Variants in LNPK observed in about 807,000 individuals in gnomAD.
LNPK encodes the protein endoplasmic reticulum junction formation protein lunapark.
A neutral mutation model predicts 55.2 loss-of-function variants in LNPK; 29 were observed. The observed-to-expected ratio is 0.53, with a 90% CI of 0.39 to 0.72. The LOEUF (loss-of-function observed/expected upper bound fraction) is 0.72, where lower values mean the gene tolerates loss of function less well. Among genes scored for constraint, LNPK ranks in the 30% least tolerant of loss-of-function variants. The pLI, the probability that LNPK is intolerant of heterozygous loss-of-function variation, is 0.00. For missense variants in LNPK, 467 were observed against 494.8 expected, an observed-to-expected ratio of 0.94 and a Z score of 0.53; for synonymous variants, 162 against 168.2, an observed-to-expected ratio of 0.96 and a Z score of 0.29.
intron 2 of LNPK, among the ~76,000 whole-genome samples, chr2:175,994,485 C>T (rs1687842563): frequency 6.6e-6 from 1 of 152,082 alleles, no homozygotes; most frequent in Non-Finnish European, 1.5e-5. Context: ...CCTAGACTAC[C>T]TTATCTCCTC....
chr2:175,939,287 G>A (rs1187026751), intron 10 of LNPK, among the ~76,000 whole-genome samples: 2 of 152,098 alleles, frequency 1.3e-5, no homozygotes, highest in African/African-American at 4.8e-5. Flanking sequence ...TGCTTTTTAA[G>A]TTTAAAAGTT....
At chr2:175,972,467 G>A (rs1237063784) in intron 5 of LNPK, among the ~76,000 whole-genome samples, 3 of 152,036 alleles carry the variant, frequency 2.0e-5, no homozygotes, top group Non-Finnish European at 2.9e-5. Context: ...GATTTAGGGG[G>A]ATTTCAGATT....
At position 175,991,635 on chromosome 2, in the gene LNPK, G is replaced by C. The variant is rs113416181; in HGVS notation, c.257+596C>G. Reference sequence around the variant, plus strand: ...CTAAGATATACAGTCAGAGAATTTTGTATTTTTATGTACCATACACCATTA... The same window carrying C: ...CTAAGATATACAGTCAGAGAATTTTCTATTTTTATGTACCATACACCATTA... On this transcript the variant is annotated intron_variant, in intron 4 of 12. Coordinates refer to ENST00000272748, the MANE Select transcript of LNPK (RefSeq NM_030650.3). Among the ~76,000 whole-genome samples, 1,057 of 152,200 alleles carry C rather than the reference G, an allele frequency of 6.9e-3. 7 individuals carry two copies. The highest frequency in any genetic ancestry group is 0.024 in the African/African-American group (986 of 41,518).
Position 175,995,659 on chromosome 2 carries a change from C to T in LNPK, c.-62-13G>A. On this transcript the variant is annotated splice_polypyrimidine_tract_variant and intron_variant, in intron 1 of 12. Transcript: ENST00000272748. ...AAGGAATTCACAGCTAGAAATAAAG[C>T]AAGTATTTAAAATGTTAAGTTAAAC... The T allele has an allele frequency of 7.8e-7, 1 of 1,278,712 alleles. No individual in the cohort carries two copies. Among genetic ancestry groups the T allele is most frequent in the East Asian group, 2.3e-5 (1 of 42,976 alleles). 79.2% of individuals were successfully genotyped at this position (1,278,712 alleles called of 1,614,324 possible).
rs187414192 is a variant in LNPK at position 175,948,193 on chromosome 2, C to T, written c.494-501G>A. The stretch of plus-strand genomic sequence containing the variant: ...TTTACTATTAGGTACCATTTCCATT[C>T]TCCTTTATGGTATTGCTATCCTTTT... On this transcript the variant is annotated intron_variant, in intron 8 of 12. Coordinates refer to ENST00000272748, the MANE Select transcript of LNPK (RefSeq NM_030650.3). Among the ~76,000 whole-genome samples the T allele has an allele frequency of 3.1e-3, 479 of 152,322 alleles. 1 individual carries two copies. The highest frequency in any genetic ancestry group is 4.1e-3 in the Non-Finnish European group (280 of 68,032).
At position 175,964,440 on chromosome 2, in the gene LNPK, T is replaced by C. The variant is rs1686225978; in HGVS notation, c.442-17A>G. On this transcript the variant is annotated splice_polypyrimidine_tract_variant and intron_variant, in intron 7 of 12. Transcript: ENST00000272748. ...CTCACACTCCTGTCAATTATAATAATGTTATTACAGTGACCTATTACAATG... is the reference window on the plus strand; with the variant it reads ...CTCACACTCCTGTCAATTATAATAACGTTATTACAGTGACCTATTACAATG... The C allele has an allele frequency of 6.2e-7, 1 of 1,609,526 alleles. No individual in the cohort carries two copies. The highest frequency in any genetic ancestry group is 8.5e-7 in the Non-Finnish European group (1 of 1,175,802).
intron 5 of LNPK, among the ~76,000 whole-genome samples, chr2:175,978,068 T>A (rs1393127887): frequency 1.3e-5 from 2 of 152,158 alleles, no homozygotes; most frequent in Admixed American, 1.3e-4. Flanking sequence ...TGAGTACAGG[T>A]AGAGCTAACT....
In LNPK at chr2:175,987,580, G is replaced by A. The variant is rs188819360; in HGVS notation, c.257+4651C>T. 5.7e-3 allele frequency among the ~76,000 whole-genome samples: 865 copies of A among 152,002 alleles called. 9 individuals are homozygous for A. Among genetic ancestry groups the A allele is most frequent in the African/African-American group, 0.02 (808 of 41,434 alleles). Reference sequence around the variant, plus strand: ...GGAGATATACCTAATGTTAAATGACGAGTTAATGGGTGCAGCACACCAACA... The same window carrying A: ...GGAGATATACCTAATGTTAAATGACAAGTTAATGGGTGCAGCACACCAACA... On this transcript the variant is annotated intron_variant, in intron 4 of 12. Transcript: ENST00000272748.
intron 8 of LNPK, among the ~76,000 whole-genome samples, chr2:175,957,282 T>C (rs1345797657): frequency 2.0e-5 from 3 of 151,858 alleles, no homozygotes; most frequent in Non-Finnish European, 4.4e-5. Context: ...CACTTGAACC[T>C]TGGAGGCAGA....
At chr2:175,954,762 C>T (rs1004005626) in intron 8 of LNPK, among the ~76,000 whole-genome samples, 8 of 152,238 alleles carry the variant, frequency 5.3e-5, no homozygotes, top group African/African-American at 1.9e-4. Flanking sequence ...AAACAAAATA[C>T]AGCAATGCCA....
rs953853876 is a variant in LNPK, at chr2:175,924,264, C to T, written c.*5703G>A. ...TTTCTAGAGTAGCTAGTCTCCATGA[C>T]CATTTCAAAATAGCTATTCATAATT... On this transcript the variant is annotated 3_prime_UTR_variant, in exon 13 of 13. Coordinates refer to ENST00000272748, the MANE Select transcript of LNPK (RefSeq NM_030650.3). The T allele has an allele frequency of 6.6e-6, 1 of 152,172 alleles. No homozygotes were observed. Among genetic ancestry groups the T allele is most frequent in the Admixed American group, 6.5e-5 (1 of 15,280 alleles). 9.4% of individuals were successfully genotyped at this position (152,172 alleles called of 1,614,324 possible).
At chr2:175,980,644 C>T (rs1050355624) in intron 4 of LNPK, among the ~76,000 whole-genome samples, 6 of 152,136 alleles carry the variant, frequency 3.9e-5, no homozygotes, top group South Asian at 2.1e-4. Flanking sequence ...CGGTGGCTCA[C>T]GCCTGTAATC....
At chr2:175,948,747 G>A (rs979801729) in intron 8 of LNPK, among the ~76,000 whole-genome samples, 3 of 152,018 alleles carry the variant, frequency 2.0e-5, no homozygotes, top group African/African-American at 7.2e-5. Flanking sequence ...CAAAACACTT[G>A]GACTTTATTT....
At chr2:175,958,331 C>T (rs957169156) in intron 8 of LNPK, among the ~76,000 whole-genome samples, 5 of 152,290 alleles carry the variant, frequency 3.3e-5, no homozygotes, top group Non-Finnish European at 7.4e-5. Context: ...ACACCTTATA[C>T]AGCCGGGTGC....
At position 175,970,787 on chromosome 2, in the gene LNPK, A is replaced by T. The variant is rs760707577; in HGVS notation, c.334T>A (p.Leu112Ile). The change falls in exon 6 of 13, where the codon TTA becomes ATA. Residue 112 changes from leucine (L) to isoleucine (I), a missense_variant. Leu to Ile is a conservative substitution (Grantham distance 5, BLOSUM62 2). Transcript: ENST00000272748. ...ACTATTTTTTTCCTCTGGGATTTTA[A>T]ATCATCCAATGCTTCATCTAGAAAG... is the stretch of plus-strand genomic sequence containing the variant. ...TERNNEALDD[L>I]KSQRKKILEE... The T allele has an allele frequency of 2.1e-6, 3 of 1,408,324 alleles. No homozygotes were observed. Among genetic ancestry groups the T allele is most frequent in the South Asian group, 1.5e-5 (1 of 68,710 alleles). The allele number at this position is 1,408,324 out of a possible 1,614,324, so 87.2% of individuals were successfully genotyped here. A position where few individuals can be genotyped will look rare whatever the true frequency, so the allele number is the denominator to read the frequency against.
At chr2:175,937,301 AAC>A (rs1684596863) in intron 12 of LNPK, 41 bp downstream of exon 12, 3 of 1,555,532 alleles carry the variant, frequency 1.9e-6, no homozygotes, top group Non-Finnish European at 2.6e-6. Flanking sequence ...ACTGTTAAAT[AAC>A]ACATGTTATT....
At chr2:175,960,493 G>C (rs1311680791) in intron 8 of LNPK, among the ~76,000 whole-genome samples, 1 of 151,938 alleles carries the variant, frequency 6.6e-6, no homozygotes, top group Non-Finnish European at 1.5e-5. Context: ...CAGAAATAAA[G>C]ATGTTCTTTG....
chr2:175,975,173 T>A (rs1686853250), intron 5 of LNPK, among the ~76,000 whole-genome samples: 1 of 152,156 alleles, frequency 6.6e-6, no homozygotes, highest in African/African-American at 2.4e-5. Flanking sequence ...ATTAACATTT[T>A]TTAAAACTAC....
rs1362572613 is a variant in LNPK, at chr2:175,986,900, C to T, written c.257+5331G>A. Among the ~76,000 whole-genome samples the T allele has an allele frequency of 1.1e-4, 16 of 149,620 alleles. No individual in the cohort carries two copies. The Admixed American group carries it at 1.1e-3, about 10-fold the overall frequency. On this transcript the variant is annotated intron_variant, in intron 4 of 12. Coordinates refer to ENST00000272748, the MANE Select transcript of LNPK (RefSeq NM_030650.3). ...AGTATGTCCACTATTTTCTCTACAA[C>T]TTAACATTGTCCTGAAGGTATTAGC...
Sources: allele counts gnomAD v4.1 joint callset (sites outside exome capture counted in the v4.1 genomes callset), GRCh38; gene constraint gnomAD v4.1.1; transcripts MANE v1.5; gene names NCBI Gene and HGNC (gene_info 2026-07-23, HGNC 2026-07-21).